ZBTB7A: variants seen among roughly 807,000 people sequenced by gnomAD.
The protein encoded by ZBTB7A is zinc finger and BTB domain containing 7A.
Under a neutral mutation model 26.7 loss-of-function variants are expected in ZBTB7A, and 7 were observed. The observed-to-expected ratio is 0.26, with a 90% CI of 0.15 to 0.49. ZBTB7A has a LOEUF of 0.49. Among genes scored for constraint, ZBTB7A ranks in the 20% least tolerant of loss-of-function variants. ZBTB7A has a pLI of 0.98. For synonymous variants in ZBTB7A, 452 were observed against 441.0 expected (o/e 1.02, Z -0.31); for missense variants, 617 against 919.5 (o/e 0.67, Z 4.25).
rs539619164 is a variant in ZBTB7A at position 4,045,653 on chromosome 19, G to C, written c.*2099C>G. 6.5e-5 allele frequency: 24 copies of C among 371,306 alleles called. No homozygotes were observed. The South Asian group carries it at 3.4e-3, about 52-fold the overall frequency. The allele number at this position is 371,306 out of a possible 1,614,324, so 23.0% of individuals were successfully genotyped here. On this transcript the variant is annotated 3_prime_UTR_variant, in exon 3 of 3. Transcript: ENST00000322357. This position sits in a 1 kb window ranked among gnomAD's most constrained non-coding sequence, Gnocchi z 4.1. ...GGGGCAGGGAGACACCCCCCCGCCG[G>C]TTGGGCATTGACAAGAAGTCTCAGT...
intron 1 of ZBTB7A, among the ~76,000 whole-genome samples, chr19:4,064,898 G>A (rs1041256462): frequency 6.6e-6 from 1 of 151,936 alleles, no homozygotes; most frequent in Non-Finnish European, 1.5e-5. Flanking sequence ...TCCGGGCCCG[G>A]GTGGACAGCA....
chr19:4,062,929 CTG>C (rs2040654624), intron 1 of ZBTB7A, among the ~76,000 whole-genome samples: 1 of 152,140 alleles, frequency 6.6e-6, no homozygotes, highest in Non-Finnish European at 1.5e-5. Context: ...GATGGGAAGA[CTG>C]AGGCTGGCAG....
chr19:4,053,512 T>TGC (rs1041612721), intron 2 of ZBTB7A, among the ~76,000 whole-genome samples: 8 of 134,260 alleles, frequency 6.0e-5, no homozygotes, highest in Non-Finnish European at 8.9e-5. Context: ...GGTGTGCGTG[T>TGC]GTGCGTGCGT....
chr19:4,053,284 C>G (rs1163480861), intron 2 of ZBTB7A, among the ~76,000 whole-genome samples: 2 of 152,202 alleles, frequency 1.3e-5, no homozygotes, highest in African/African-American at 4.8e-5. Context: ...AGGGCAGGGC[C>G]TGGTCTAGGC....
At position 4,052,208 on chromosome 19, in the gene ZBTB7A, C is replaced by T. The variant is rs1295930508; in HGVS notation, c.1262+1763G>A. 3.9e-5 allele frequency among the ~76,000 whole-genome samples: 6 copies of T among 151,938 alleles called. No individual in the cohort carries two copies. Among genetic ancestry groups the T allele is most frequent in the African/African-American group, 9.7e-5 (4 of 41,346 alleles). ...AGAATGAAACCGGGCCTGTGGCCTG[C>T]GGCCAGGGAGGCAGGGTGGGGGTCA... is the stretch of plus-strand genomic sequence containing the variant. On this transcript the variant is annotated intron_variant, in intron 2 of 2. Coordinates refer to ENST00000322357, the MANE Select transcript of ZBTB7A (RefSeq NM_015898.4). This position sits in a 1 kb window ranked among gnomAD's most constrained non-coding sequence, Gnocchi z 4.9.
intron 1 of ZBTB7A, among the ~76,000 whole-genome samples, chr19:4,059,908 A>G (rs1027321383): frequency 1.3e-5 from 2 of 152,138 alleles, no homozygotes; most frequent in African/African-American, 4.8e-5. Flanking sequence ...CGAGTGCTGA[A>G]GCCCCACTGT....
intron 1 of ZBTB7A, among the ~76,000 whole-genome samples, chr19:4,063,305 C>T (rs983414098): frequency 1.3e-5 from 2 of 152,210 alleles, no homozygotes; most frequent in Non-Finnish European, 2.9e-5. Flanking sequence ...GCAGAGCAAG[C>T]GTGCCAGCAT....
intron 2 of ZBTB7A, 119 bp downstream of exon 2, chr19:4,053,848 CGTGT>C: frequency 8.8e-7 from 1 of 1,130,798 alleles, no homozygotes; most frequent in Non-Finnish European, 1.2e-6. Flanking sequence ...TGTGCACGTG[CGTGT>C]ATGTGTGCGT....
chr19:4,044,035 C>A lies in ZBTB7A; in HGVS notation c.*3717G>T, dbSNP rs1031206430. Among the ~76,000 whole-genome samples the A allele has an allele frequency of 6.6e-6, 1 of 151,648 alleles. No individual in the cohort carries two copies. The highest frequency in any genetic ancestry group is 2.4e-5 in the African/African-American group (1 of 41,254). ...GCCTCCAACCATTCTGGTTGCCGGG[C>A]GGGAGGGGGCACCCCGAGGCCCCTG... On this transcript the variant is annotated 3_prime_UTR_variant, in exon 3 of 3. Transcript: ENST00000322357.
intron 2 of ZBTB7A, among the ~76,000 whole-genome samples, chr19:4,050,764 A>T (rs982046910): frequency 5.3e-5 from 8 of 152,110 alleles, no homozygotes; most frequent in African/African-American, 1.9e-4. Flanking sequence ...ACTCTCTTTG[A>T]CTTTTTTTGA....
At chr19:4,059,470 C>G (rs1173749504) in intron 1 of ZBTB7A, among the ~76,000 whole-genome samples, 2 of 152,170 alleles carry the variant, frequency 1.3e-5, no homozygotes, top group Non-Finnish European at 2.9e-5. Context: ...TCCCTCAAAG[C>G]AGCGAGGCCC....
At chr19:4,060,104 C>CGGGGCTGCTT (rs2040623818) in intron 1 of ZBTB7A, among the ~76,000 whole-genome samples, 1 of 151,930 alleles carries the variant, frequency 6.6e-6, no homozygotes, top group Non-Finnish European at 1.5e-5. Context: ...GTGGGATTTC[C>CGGGGCTGCTT]GGGGCTGCTT....
Position 4,048,134 on chromosome 19 carries a change from C to T in ZBTB7A, c.1373G>A (p.Arg458His), listed in dbSNP as rs1372893315. ...AHNYDLKNHM[R>H]VHTGLRPYQC... is the part of the protein sequence containing the mutation. Reference sequence around the variant, plus strand: ...GTAGGGGCGCAGGCCCGTGTGCACGCGCATGTGGTTCTTCAGGTCGTAGTT... The same window carrying T: ...GTAGGGGCGCAGGCCCGTGTGCACGTGCATGTGGTTCTTCAGGTCGTAGTT... The change falls in exon 3 of 3, where the codon CGC (arginine) becomes CAC (histidine). Residue 458 changes from arginine to histidine, a missense_variant. Coordinates refer to ENST00000322357, the MANE Select transcript of ZBTB7A (RefSeq NM_015898.4). This position sits in a 1 kb window ranked among gnomAD's most constrained non-coding sequence, Gnocchi z 6.7. 3 of 1,610,444 alleles carry T rather than the reference C, an allele frequency of 1.9e-6. No individual in the cohort carries two copies. The highest frequency in any genetic ancestry group is 2.5e-6 in the Non-Finnish European group (3 of 1,179,076).
chr19:4,046,030 A>G lies in ZBTB7A; in HGVS notation c.*1722T>C. 1 of 380,738 alleles carries G rather than the reference A, an allele frequency of 2.6e-6. No homozygotes were observed. The allele number at this position is 380,738 out of a possible 1,614,324, so 23.6% of individuals were successfully genotyped here. A position where few individuals can be genotyped will look rare whatever the true frequency, so the allele number is the denominator to read the frequency against. On this transcript the variant is annotated 3_prime_UTR_variant, in exon 3 of 3. Transcript: ENST00000322357. Reference sequence around the variant, plus strand: ...GCGGGAGGGACAGGCGTGTTGGGGGATTGGGGGGTGCCGGATGGGGATCGG... The same window carrying G: ...GCGGGAGGGACAGGCGTGTTGGGGGGTTGGGGGGTGCCGGATGGGGATCGG...
rs753826190 is a variant in ZBTB7A at position 4,054,826 on chromosome 19, G to A, written c.407C>T (p.Ala136Val). Residue 136 changes from alanine (A) to valine (V), a missense_variant, in exon 2 of 3, where the codon GCG (alanine) becomes GTG (valine). Physicochemically the swap from Ala to Val is moderately conservative, Grantham distance 64. Transcript: ENST00000322357. ...GTCCAGCTGCCCGGCGTCGGCGCCC[G>A]CGTCGGCCGCCAGGATCTGCCGGTC... ...LLDRQILAAD[A>V]GADAGQLDLV... The A allele has an allele frequency of 4.4e-6, 7 of 1,600,494 alleles. No homozygotes were observed. Among genetic ancestry groups the A allele is most frequent in the South Asian group, 3.3e-5 (3 of 89,582 alleles).
At chr19:4,050,458 C>T (rs1242900783) in intron 2 of ZBTB7A, among the ~76,000 whole-genome samples, 3 of 152,164 alleles carry the variant, frequency 2.0e-5, no homozygotes, top group African/African-American at 7.2e-5. Context: ...ACTTGAGGGC[C>T]CCTCCCTGCC....
At chr19:4,049,027 G>A (rs1347359623) in intron 2 of ZBTB7A, among the ~76,000 whole-genome samples, 7 of 149,320 alleles carry the variant, frequency 4.7e-5, no homozygotes, top group African/African-American at 7.4e-5. Context: ...CCAGGCTGGA[G>A]GGCAGTGGCG....
intron 1 of ZBTB7A, among the ~76,000 whole-genome samples, chr19:4,064,110 C>T (rs1370716660): frequency 6.6e-6 from 1 of 152,262 alleles, no homozygotes; most frequent in Non-Finnish European, 1.5e-5. Flanking sequence ...CAGTCTCCCG[C>T]ACAGAGCAAA....
At position 4,044,350 on chromosome 19, in the gene ZBTB7A, A is replaced by C. The variant is rs1263101834; in HGVS notation, c.*3402T>G. 7.6e-6 allele frequency: 1 copy of C among 130,882 alleles called. No homozygotes were observed. The highest frequency in any genetic ancestry group is 1.6e-5 in the Non-Finnish European group (1 of 62,094). 8.1% of individuals were successfully genotyped at this position (130,882 alleles called of 1,614,324 possible). On this transcript the variant is annotated 3_prime_UTR_variant, in exon 3 of 3. Transcript: ENST00000322357. ...GGCATTTTACATTCACTGGTTTATA[A>C]TTTTTTTTTTTCATTTTTAAAAACT...
Sources: gnomAD v4.1 joint callset for allele counts (sites outside exome capture counted in the v4.1 genomes callset) on GRCh38, gnomAD v4.1.1 for gene constraint, Gnocchi (gnomAD v3.1) non-coding constraint, MANE v1.5 for transcripts, NCBI Gene and HGNC (gene_info 2026-07-23, HGNC 2026-07-21) for gene names.